The following ROCK1 variants were observed in gnomAD, a reference collection of about 807,000 sequenced individuals.
ROCK1 encodes the protein Rho associated coiled-coil containing protein kinase 1, also known as rho-associated protein kinase 1.
Under a neutral mutation model 196.8 loss-of-function variants are expected in ROCK1, and 36 were observed. The observed-to-expected ratio is 0.18, with a 90% CI of 0.14 to 0.24. ROCK1 has a LOEUF of 0.24. ROCK1 is among the 10% of genes least tolerant of loss of function. The pLI, the probability that ROCK1 is intolerant of heterozygous loss-of-function variation, is 1.00. For synonymous variants in ROCK1, 443 were observed against 515.9 expected (o/e 0.86, Z 1.91); for missense variants, 920 against 1,562.0 (o/e 0.59, Z 6.93).
At chr18:21,095,296 T>C (rs980867751) in intron 1 of ROCK1, among the ~76,000 whole-genome samples, 29 of 152,022 alleles carry the variant, frequency 1.9e-4, no homozygotes, top group African/African-American at 6.0e-4. Flanking sequence ...GGAGAACAGT[T>C]TGGCGGTTCT....
At chr18:21,029,590 T>TA (rs1313374366) in intron 9 of ROCK1, among the ~76,000 whole-genome samples, 2 of 152,072 alleles carry the variant, frequency 1.3e-5, no homozygotes, top group Non-Finnish European at 2.9e-5. Context: ...TCATTGTTAA[T>TA]AAAAAAGGGC....
chr18:21,013,536 G>GA (rs750544973), intron 13 of ROCK1, among the ~76,000 whole-genome samples: 2 of 152,208 alleles, frequency 1.3e-5, no homozygotes, highest in Non-Finnish European at 2.9e-5. Flanking sequence ...TACCAACCCA[G>GA]AAGGCAGTGG....
chr18:21,078,341 TACACACACACACACAC>T (rs59499705), intron 1 of ROCK1, among the ~76,000 whole-genome samples: 2 of 128,784 alleles, frequency 1.6e-5, no homozygotes, highest in African/African-American at 6.2e-5. Context: ...AACACCCACC[TACACACACACACACAC>T]ACACACACAC....
chr18:21,071,177 T>C (rs2036381301), intron 1 of ROCK1, among the ~76,000 whole-genome samples: 1 of 133,546 alleles, frequency 7.5e-6, no homozygotes, highest in African/African-American at 2.8e-5. Flanking sequence ...TTGCATTTTT[T>C]CTGCTTTTTT....
At chr18:20,965,990 T>G (rs375553659) in intron 27 of ROCK1, among the ~76,000 whole-genome samples, 54 of 152,274 alleles carry the variant, frequency 3.5e-4, no homozygotes, top group African/African-American at 1.3e-3. Flanking sequence ...AAATTCACAA[T>G]AACAAGTAAT....
At chr18:21,025,132 A>T (rs1207621654) in intron 10 of ROCK1, among the ~76,000 whole-genome samples, 1 of 152,198 alleles carries the variant, frequency 6.6e-6, no homozygotes, top group Admixed American at 6.5e-5. Flanking sequence ...ACATCCATTA[A>T]TTCTTCCACC....
intron 9 of ROCK1, among the ~76,000 whole-genome samples, chr18:21,036,955 C>T (rs1447007256): frequency 6.6e-6 from 1 of 151,918 alleles, no homozygotes; most frequent in Non-Finnish European, 1.5e-5. Flanking sequence ...CAACAATTGT[C>T]AATTCCTTCC....
At chr18:21,003,204 A>C (rs1158175043) in intron 16 of ROCK1, among the ~76,000 whole-genome samples, 1 of 152,208 alleles carries the variant, frequency 6.6e-6, no homozygotes, top group Non-Finnish European at 1.5e-5. Flanking sequence ...AATCAGTAAA[A>C]TTCTGAACAG....
intron 1 of ROCK1, among the ~76,000 whole-genome samples, chr18:21,080,489 A>G (rs991027218): frequency 6.6e-6 from 1 of 152,154 alleles, no homozygotes; most frequent in African/African-American, 2.4e-5. Flanking sequence ...GGAGCTAAAA[A>G]CTAACACTTT....
At chr18:20,951,947 A>G (rs1173797390) in intron 32 of ROCK1, among the ~76,000 whole-genome samples, 1 of 148,912 alleles carries the variant, frequency 6.7e-6, no homozygotes, top group Non-Finnish European at 1.5e-5. Flanking sequence ...GGAATTGGAC[A>G]ACATAGGCTT....
chr18:21,052,398 G>A (rs375897566), intron 2 of ROCK1, among the ~76,000 whole-genome samples: 1 of 152,192 alleles, frequency 6.6e-6, no homozygotes, highest in Non-Finnish European at 1.5e-5. Context: ...GATCTTAAAC[G>A]AAGCCTATTT....
At chr18:21,059,508 C>A (rs561966948) in intron 2 of ROCK1, among the ~76,000 whole-genome samples, 1 of 152,280 alleles carries the variant, frequency 6.6e-6, no homozygotes, top group African/African-American at 2.4e-5. Context: ...ATTAAAAACA[C>A]TTAATGACAT....
chr18:21,105,275 A>C (rs1289639282), intron 1 of ROCK1, among the ~76,000 whole-genome samples: 1 of 152,226 alleles, frequency 6.6e-6, no homozygotes, highest in East Asian at 1.9e-4. Context: ...CTATACAAAG[A>C]TTTGCTGAAT....
At position 20,948,388 on chromosome 18, in the gene ROCK1, CCA is replaced by C. The variant is rs1303463554; in HGVS notation, c.*2994_*2995del. On this transcript the variant is annotated 3_prime_UTR_variant, in exon 33 of 33. Transcript: ENST00000399799. ...CTTGATCTCTACCTCACTCTGAATT[CCA>C]GATTGATTATAGAACTGTGAAAGTT... 11 of 150,958 alleles carry C rather than the reference CCA, an allele frequency of 7.3e-5. 1 individual carries two copies. The highest frequency in any genetic ancestry group is 1.2e-4 in the Non-Finnish European group (8 of 68,042). The allele number at this position is 150,958 out of a possible 1,614,324, so 9.4% of individuals were successfully genotyped here.
At position 20,998,370 on chromosome 18, in the gene ROCK1, A is replaced by G. The variant is rs2035691125; in HGVS notation, c.1886-5433T>C. Reference sequence around the variant, plus strand: ...AGAAAAAGTTTCAATAAACAACTTAATGATACATCTTAAAGAACTAGAAAA... The same window carrying G: ...AGAAAAAGTTTCAATAAACAACTTAGTGATACATCTTAAAGAACTAGAAAA... On this transcript the variant is annotated intron_variant, in intron 16 of 32. Coordinates refer to ENST00000399799, the MANE Select transcript of ROCK1 (RefSeq NM_005406.3). Among the ~76,000 whole-genome samples, 3 of 152,318 alleles carry G rather than the reference A, an allele frequency of 2.0e-5. No individual in the cohort carries two copies. The South Asian group carries it at 6.2e-4, about 32-fold the overall frequency.
At chr18:20,999,779 C>T (rs903087481) in intron 16 of ROCK1, among the ~76,000 whole-genome samples, 2 of 152,106 alleles carry the variant, frequency 1.3e-5, no homozygotes, top group Non-Finnish European at 2.9e-5. Flanking sequence ...AGGCGTGCAC[C>T]ACCACACCTG....
rs539496913 is a variant in ROCK1 at position 21,080,994 on chromosome 18, AC to A, written c.94-10382del. ...AATAAAAAAACAGAGGACATGAACGACACTATAAACCAACTGGACCTAACAG... is the reference window on the plus strand; with the variant it reads ...AATAAAAAAACAGAGGACATGAACGAACTATAAACCAACTGGACCTAACAG... On this transcript the variant is annotated intron_variant, in intron 1 of 32. Transcript: ENST00000399799. 1.1e-4 allele frequency among the ~76,000 whole-genome samples: 17 copies of A among 152,284 alleles called. No homozygotes were observed. In the South Asian group the frequency reaches 3.5e-3, roughly 32 times the overall value.
intron 8 of ROCK1, among the ~76,000 whole-genome samples, chr18:21,040,445 G>A (rs1205975754): frequency 6.6e-6 from 1 of 152,062 alleles, no homozygotes; most frequent in African/African-American, 2.4e-5. Flanking sequence ...CTTTTTTGGT[G>A]AGCAAAAAGT....
chr18:20,967,090 G>T lies in ROCK1; in HGVS notation c.3193-14C>A. ...TTCTACCAATTGCTAATTTTGAAAA[G>T]TATCAAGATAATATAATCAAGCTAA... On this transcript the variant is annotated splice_polypyrimidine_tract_variant and intron_variant, in intron 26 of 32. Coordinates refer to ENST00000399799, the MANE Select transcript of ROCK1 (RefSeq NM_005406.3). 8 of 1,571,904 alleles carry T rather than the reference G, an allele frequency of 5.1e-6. No homozygotes were observed. Among genetic ancestry groups the T allele is most frequent in the Non-Finnish European group, 7.0e-6 (8 of 1,147,778 alleles).
Sources: gnomAD v4.1 joint callset for allele counts (sites outside exome capture counted in the v4.1 genomes callset) on GRCh38, gnomAD v4.1.1 for gene constraint, MANE v1.5 for transcripts, NCBI Gene and HGNC (gene_info 2026-07-23, HGNC 2026-07-21) for gene names.